Variants in NELFA observed in about 807,000 individuals in gnomAD.
NELFA encodes negative elongation factor A.
NELFA carries 35 observed loss-of-function variants against 51.8 expected under a neutral mutation model. The ratio of observed to expected loss-of-function variants is 0.68; its 90% confidence interval spans 0.52 to 0.90. NELFA has a LOEUF of 0.90. Ranked by LOEUF, NELFA falls within the 40% of genes least tolerant of loss-of-function variation. NELFA has a pLI of 0.00. For synonymous variants in NELFA, 417 were observed against 338.4 expected (o/e 1.23, Z -2.55); for missense variants, 658 against 746.4 (o/e 0.88, Z 1.38).
At chr4:2,005,746 T>C (rs1728694304) in intron 1 of NELFA, among the ~76,000 whole-genome samples, 1 of 152,062 alleles carries the variant, frequency 6.6e-6, no homozygotes, top group Non-Finnish European at 1.5e-5. Flanking sequence ...CATTTCTATA[T>C]ACCAGCAACA....
intron 2 of NELFA, chr4:1,990,137 C>A (rs754959461): frequency 9.8e-6 from 5 of 508,000 alleles, no homozygotes; most frequent in Non-Finnish European, 1.8e-5. Flanking sequence ...CCAAGAACCA[C>A]AGGCGGACAT....
At chr4:1,986,917 G>A (rs1728122145) in intron 4 of NELFA, among the ~76,000 whole-genome samples, 1 of 152,174 alleles carries the variant, frequency 6.6e-6, no homozygotes, top group Non-Finnish European at 1.5e-5. Flanking sequence ...CACCGGGCCA[G>A]GCTGGACACA....
Position 1,983,014 on chromosome 4 carries a change from G to A in NELFA, c.*305C>T, listed in dbSNP as rs1441249811. On this transcript the variant is annotated 3_prime_UTR_variant, in exon 11 of 11. Coordinates refer to ENST00000382882, the MANE Select transcript of NELFA (RefSeq NM_005663.5). ...TTAAAAAGTAAGAGTCTAACAGGCA[G>A]AGCTGTCACTAAAATTAGGAAGTTG... 3.5e-6 allele frequency: 1 copy of A among 283,988 alleles called. No individual in the cohort carries two copies. Among genetic ancestry groups the A allele is most frequent in the Non-Finnish European group, 6.5e-6 (1 of 153,592 alleles). 17.6% of individuals were successfully genotyped at this position (283,988 alleles called of 1,614,324 possible). A position where few individuals can be genotyped will look rare whatever the true frequency, so the allele number is the denominator to read the frequency against.
At position 1,996,091 on chromosome 4, in the gene NELFA, T is replaced by C. The variant is rs576607321; in HGVS notation, c.211-4376A>G. 3.3e-5 allele frequency among the ~76,000 whole-genome samples: 5 copies of C among 152,352 alleles called. No homozygotes were observed. The South Asian group carries it at 1.0e-3, about 32-fold the overall frequency. ...ATGGATTTCAAAACTAGAGTACATA[T>C]GATTCGCAAGCTTACTGGCAACATT... On this transcript the variant is annotated intron_variant, in intron 1 of 10. Transcript: ENST00000382882.
intron 2 of NELFA, chr4:1,990,404 G>C: frequency 2.2e-6 from 1 of 456,722 alleles, no homozygotes; most frequent in South Asian, 1.5e-5. Flanking sequence ...ACCTGAACTG[G>C]CTACGTGCCC....
rs761851007 is a variant in NELFA at position 1,983,405 on chromosome 4, G to A, written c.1501C>T (p.Leu501=). 2.6e-5 allele frequency: 42 copies of A among 1,614,098 alleles called. No homozygotes were observed. Among genetic ancestry groups the A allele is most frequent in the Non-Finnish European group, 3.4e-5 (40 of 1,180,044 alleles). The change falls in exon 11 of 11, where the codon CTG becomes TTG. Residue 501 remains leucine, a synonymous_variant. Coordinates refer to ENST00000382882, the MANE Select transcript of NELFA (RefSeq NM_005663.5). ...KADGQGSTTM[L]VDTVFEMNYA... ...TTCATCTCAAACACTGTGTCCACCAGCATGGTTGTGCTACCCTGGCCGTCC... is the reference window on the plus strand; with the variant it reads ...TTCATCTCAAACACTGTGTCCACCAACATGGTTGTGCTACCCTGGCCGTCC...
chr4:2,008,873 G>C lies in NELFA; in HGVS notation c.87C>G (p.Ile29Met). 3 of 1,598,450 alleles carry C rather than the reference G, an allele frequency of 1.9e-6. No individual in the cohort carries two copies. The South Asian group carries it at 3.4e-5, about 18-fold the overall frequency. ...ATDELWAPPS[I>M]ASLLTAAVID... Reference sequence around the variant, plus strand: ...TGACCGCGGCCGTGAGCAGGGACGCGATGCTGGGCGGCGCCCACAGCTCGT... The same window carrying C: ...TGACCGCGGCCGTGAGCAGGGACGCCATGCTGGGCGGCGCCCACAGCTCGT... The change falls in exon 1 of 11, where the codon ATC becomes ATG. Residue 29 changes from isoleucine to methionine, a missense_variant. Transcript: ENST00000382882.
chr4:1,994,652 G>T (rs540398287), intron 1 of NELFA, among the ~76,000 whole-genome samples: 1 of 151,856 alleles, frequency 6.6e-6, no homozygotes, highest in South Asian at 2.1e-4. Context: ...TCAGGAGATT[G>T]AGACCATCCT....
chr4:1,983,487 C>G lies in NELFA; in HGVS notation c.1419G>C (p.Glu473Asp). The change falls in exon 11 of 11, where the codon GAG becomes GAC. Residue 473 changes from glutamate to aspartate, a missense_variant. Glu to Asp is a conservative substitution (Grantham distance 45, BLOSUM62 2). Transcript: ENST00000382882. ...MAGSRENPCQ[E>D]QGDVIQIKLS... The stretch of plus-strand genomic sequence containing the variant: ...GCTTGATCTGGATCACGTCCCCCTG[C>G]TCCTGGCACGGGTTCTCTGCAGAGA... 1 of 1,614,072 alleles carries G rather than the reference C, an allele frequency of 6.2e-7. No individual in the cohort carries two copies. The highest frequency in any genetic ancestry group is 8.5e-7 in the Non-Finnish European group (1 of 1,180,000).
Position 1,987,018 on chromosome 4 carries a change from C to T in NELFA, c.635-616G>A, listed in dbSNP as rs1242579894. On this transcript the variant is annotated intron_variant, in intron 4 of 10. Transcript: ENST00000382882. ...GGGGGTGGAAAGACAAGGGTCTGCT[C>T]CAGGCGGGGTAGAGGAGAGCAAGGT... Among the ~76,000 whole-genome samples, 3 of 152,096 alleles carry T rather than the reference C, an allele frequency of 2.0e-5. No homozygotes were observed. In the East Asian group the frequency reaches 5.8e-4, roughly 29 times the overall value.
chr4:1,993,004 C>T lies in NELFA; in HGVS notation c.211-1289G>A, dbSNP rs1380468020. Among the ~76,000 whole-genome samples the T allele has an allele frequency of 2.6e-5, 4 of 152,230 alleles. 1 individual carries two copies. The East Asian group carries it at 7.7e-4, about 29-fold the overall frequency. On this transcript the variant is annotated intron_variant, in intron 1 of 10. Coordinates refer to ENST00000382882, the MANE Select transcript of NELFA (RefSeq NM_005663.5). Reference sequence around the variant, plus strand: ...GCCCGCCCGAGCTGAGTGCGCGATGCGGCAGAAGATGCTACGTGGCTGCAG... The same window carrying T: ...GCCCGCCCGAGCTGAGTGCGCGATGTGGCAGAAGATGCTACGTGGCTGCAG...
At position 1,983,496 on chromosome 4, in the gene NELFA, C is replaced by G. The variant is rs778610675; in HGVS notation, c.1410G>C (p.Pro470=). The part of the protein sequence containing the change: ...LGFMAGSREN[P]CQEQGDVIQI... ...GGATCACGTCCCCCTGCTCCTGGCA[C>G]GGGTTCTCTGCAGAGAGCAGGAGCT... The change falls in exon 11 of 11, where the codon CCG becomes CCC. Residue 470 remains proline, a synonymous_variant. Transcript: ENST00000382882. The G allele has an allele frequency of 1.2e-6, 2 of 1,613,864 alleles. No individual in the cohort carries two copies. Among genetic ancestry groups the G allele is most frequent in the Admixed American group, 1.7e-5 (1 of 60,004 alleles).
chr4:2,004,779 C>T (rs924983032), intron 1 of NELFA, among the ~76,000 whole-genome samples: 3 of 149,934 alleles, frequency 2.0e-5, no homozygotes, highest in Non-Finnish European at 4.4e-5. Context: ...TGAGCTACTG[C>T]ACCCAGCTAT....
intron 1 of NELFA, among the ~76,000 whole-genome samples, chr4:2,002,319 CA>C (rs1201894948): frequency 7.9e-5 from 12 of 152,198 alleles, no homozygotes; most frequent in Admixed American, 5.9e-4. Context: ...AAGTAACTTA[CA>C]GATTCAATGC....
chr4:1,997,064 G>A (rs999582091), intron 1 of NELFA, among the ~76,000 whole-genome samples: 3 of 152,066 alleles, frequency 2.0e-5, no homozygotes, highest in African/African-American at 7.2e-5. Flanking sequence ...AGTGAGTTAT[G>A]ATCACATCAC....
intron 2 of NELFA, chr4:1,990,300 C>T (rs1441793398): frequency 2.4e-6 from 1 of 425,192 alleles, no homozygotes; most frequent in Non-Finnish European, 4.8e-6. Context: ...AACCCTGGCC[C>T]TCATCCAAAC....
At chr4:1,996,763 C>G (rs1728433530) in intron 1 of NELFA, among the ~76,000 whole-genome samples, 1 of 152,158 alleles carries the variant, frequency 6.6e-6, no homozygotes, top group Non-Finnish European at 1.5e-5. Flanking sequence ...AAAAACCTGT[C>G]TCTACTAAAA....
Position 1,983,794 on chromosome 4 carries a change from C to T in NELFA, c.1302+54G>A, listed in dbSNP as rs1358010958. 6.9e-6 allele frequency: 11 copies of T among 1,585,342 alleles called. No individual in the cohort carries two copies. The East Asian group carries it at 2.0e-4, about 29-fold the overall frequency. Reference sequence around the variant, plus strand: ...GGCACCCCCACGCTAGGGGAGGTGGCCAGGGCCGTACCACCTACCTGGTGG... The same window carrying T: ...GGCACCCCCACGCTAGGGGAGGTGGTCAGGGCCGTACCACCTACCTGGTGG... On this transcript the variant is annotated intron_variant, in intron 9 of 10. Coordinates refer to ENST00000382882, the MANE Select transcript of NELFA (RefSeq NM_005663.5).
In NELFA at chr4:1,983,851, G is replaced by A. The variant is rs373869137; in HGVS notation, c.1299C>T (p.Leu433=). 10 of 1,573,262 alleles carry A rather than the reference G, an allele frequency of 6.4e-6. No individual in the cohort carries two copies. The East Asian group carries it at 2.2e-4, about 35-fold the overall frequency. Residue 433 remains leucine, a synonymous_variant, in exon 9 of 11, where the codon CTC becomes CTT. Transcript: ENST00000382882. The part of the protein sequence containing the change: ...AQQQPKKNLS[L]TREQMFAAQE... ...GGCCCTACCAGTGTACACCTACCGT[G>A]AGGGACAGGTTCTTCTTAGGCTGCT...
Sources: allele counts gnomAD v4.1 joint callset (sites outside exome capture counted in the v4.1 genomes callset), GRCh38; gene constraint gnomAD v4.1.1; transcripts MANE v1.5; gene names NCBI Gene and HGNC (gene_info 2026-07-23, HGNC 2026-07-21).